CNGB1: variants seen among roughly 807,000 people sequenced by gnomAD.
The protein encoded by CNGB1 is cyclic nucleotide-gated channel beta-1.
CNGB1 carries 126 observed loss-of-function variants against 151.7 expected under a neutral mutation model. The observed-to-expected ratio is 0.83, with a 90% CI of 0.72 to 0.96. CNGB1 has a LOEUF of 0.96. Ranked by LOEUF, CNGB1 falls within the 40% of genes least tolerant of loss-of-function variation. CNGB1 has a pLI of 0.00. For missense variants in CNGB1, 1,698 were observed against 1,627.0 expected, an observed-to-expected ratio of 1.04 and a Z score of -0.75; for synonymous variants, 623 against 635.1, an observed-to-expected ratio of 0.98 and a Z score of 0.29.
Position 57,888,009 on chromosome 16 carries a change from G to A in CNGB1, c.3308C>T (p.Ala1103Val), listed in dbSNP as rs377240706. ...EKSVLILPPRAGTPKLFNAAL... is the reference protein window; with the variant it reads ...EKSVLILPPRVGTPKLFNAAL... ...AGCGTTGAAGAGCTTTGGGGTGCCCGCCCGGGGTGGAAGGATCAGCACGCT... is the reference window on the plus strand; with the variant it reads ...AGCGTTGAAGAGCTTTGGGGTGCCCACCCGGGGTGGAAGGATCAGCACGCT... The change falls in exon 32 of 33, where the codon GCG becomes GTG. Residue 1103 changes from alanine to valine, a missense_variant. Transcript: ENST00000251102. 92 of 1,614,048 alleles carry A rather than the reference G, an allele frequency of 5.7e-5. No homozygotes were observed. The highest frequency in any genetic ancestry group is 2.7e-4 in the African/African-American group (20 of 74,920).
At chr16:57,905,758 G>A in intron 25 of CNGB1, among the ~76,000 whole-genome samples, 1 of 152,224 alleles carries the variant, frequency 6.6e-6, no homozygotes, top group Non-Finnish European at 1.5e-5. Context: ...TTCCATACGA[G>A]GACAGCATTC....
At chr16:57,939,326 A>T in intron 16 of CNGB1, 104 bp downstream of exon 16, 1 of 1,517,664 alleles carries the variant, frequency 6.6e-7, no homozygotes, top group Non-Finnish European at 9.1e-7. Context: ...GGGGAAGGAG[A>T]TGGAGGGAGA....
At chr16:57,950,961 G>A (rs1285028282) in intron 12 of CNGB1, among the ~76,000 whole-genome samples, 1 of 152,198 alleles carries the variant, frequency 6.6e-6, no homozygotes, top group East Asian at 1.9e-4. Flanking sequence ...GGGGGATGCA[G>A]AGAGAGCTTG....
At position 57,962,642 on chromosome 16, in the gene CNGB1, A is replaced by G. The variant is rs1473107186; in HGVS notation, c.413-32T>C. On this transcript the variant is annotated intron_variant, in intron 6 of 32. Coordinates refer to ENST00000251102, the MANE Select transcript of CNGB1 (RefSeq NM_001297.5). ...GGTCAGAAAATACAGAAAGGCAGTCAGCAGCGGGAGACCTGCCCCAGCCCC... is the reference window on the plus strand; with the variant it reads ...GGTCAGAAAATACAGAAAGGCAGTCGGCAGCGGGAGACCTGCCCCAGCCCC... The G allele has an allele frequency of 3.1e-6, 5 of 1,611,862 alleles. No individual in the cohort carries two copies. In the Admixed American group the frequency reaches 6.7e-5, roughly 21 times the overall value.
At chr16:57,959,340 C>T (rs1290362343) in intron 10 of CNGB1, among the ~76,000 whole-genome samples, 5 of 151,850 alleles carry the variant, frequency 3.3e-5, no homozygotes, top group Non-Finnish European at 5.9e-5. Flanking sequence ...CAGGCCAGGC[C>T]GGGTGGCTCA....
intron 18 of CNGB1, among the ~76,000 whole-genome samples, chr16:57,922,709 A>G (rs8050968): frequency 0.13 from 20,079 of 151,996 alleles, 3,984 homozygotes; most frequent in African/African-American, 0.43. Flanking sequence ...GATTACAGGC[A>G]TGAGCCACCA....
At chr16:57,894,397 T>C (rs1487169749) in intron 31 of CNGB1, among the ~76,000 whole-genome samples, 6 of 152,204 alleles carry the variant, frequency 3.9e-5, no homozygotes, top group African/African-American at 1.4e-4. Flanking sequence ...GGTGAGAAGT[T>C]CGAGACAAGC....
intron 16 of CNGB1, among the ~76,000 whole-genome samples, chr16:57,932,681 T>A (rs1239084057): frequency 1.3e-5 from 2 of 151,556 alleles, no homozygotes; most frequent in African/African-American, 4.8e-5. Context: ...CCAGGGTTCA[T>A]GCCATTCTCC....
In CNGB1 at chr16:57,959,870, G is replaced by A; in HGVS notation, c.761+18C>T. 6.6e-7 allele frequency: 1 copy of A among 1,504,378 alleles called. No homozygotes were observed. The highest frequency in any genetic ancestry group is 8.9e-7 in the Non-Finnish European group (1 of 1,126,424). The allele number at this position is 1,504,378 out of a possible 1,614,324, so 93.2% of individuals were successfully genotyped here. On this transcript the variant is annotated intron_variant, in intron 10 of 32. Transcript: ENST00000251102. ...ATCCTGCTCCCTGGTGGGAGGCGCT[G>A]CATTGAGGGTGGCTCACCTGGCAGG...
chr16:57,934,464 A>C (rs1340025950), intron 16 of CNGB1, among the ~76,000 whole-genome samples: 1 of 152,132 alleles, frequency 6.6e-6, no homozygotes, highest in Non-Finnish European at 1.5e-5. Flanking sequence ...AATAAAATGG[A>C]AGTAATGTTC....
At chr16:57,909,396 T>G (rs1960645433) in intron 25 of CNGB1, among the ~76,000 whole-genome samples, 1 of 152,194 alleles carries the variant, frequency 6.6e-6, no homozygotes, top group African/African-American at 2.4e-5. Flanking sequence ...TAAAATAATT[T>G]TCTAAACTTT....
intron 16 of CNGB1, among the ~76,000 whole-genome samples, chr16:57,935,309 A>C (rs1381099087): frequency 6.6e-6 from 1 of 152,210 alleles, no homozygotes. Flanking sequence ...TTTGAATAGT[A>C]ATAAAGTTTT....
At chr16:57,949,695 G>A (rs1025398321) in intron 13 of CNGB1, among the ~76,000 whole-genome samples, 2 of 152,128 alleles carry the variant, frequency 1.3e-5, no homozygotes, top group African/African-American at 4.8e-5. Context: ...TCCTCTCTGG[G>A]CCTCAGTTTC....
At chr16:57,912,524 G>C (rs1960746285) in intron 24 of CNGB1, among the ~76,000 whole-genome samples, 1 of 152,130 alleles carries the variant, frequency 6.6e-6, no homozygotes, top group Non-Finnish European at 1.5e-5. Context: ...GGAGGTCAGT[G>C]GGGGTAGACA....
intron 2 of CNGB1, among the ~76,000 whole-genome samples, chr16:57,965,228 TAC>T (rs11467732): frequency 0.84 from 127,215 of 152,132 alleles, 53,890 homozygotes; most frequent in African/African-American, 0.94. Context: ...CATGCATATA[TAC>T]ACACACATGC....
intron 24 of CNGB1, 97 bp from the exon 25 acceptor site, chr16:57,911,972 C>A: frequency 6.5e-7 from 1 of 1,530,254 alleles, no homozygotes; most frequent in African/African-American, 1.4e-5. Context: ...TGGGCTGGCC[C>A]GACTGGATGC....
intron 23 of CNGB1, among the ~76,000 whole-genome samples, chr16:57,913,814 T>C (rs1320966891): frequency 1.3e-5 from 2 of 152,170 alleles, no homozygotes; most frequent in Admixed American, 6.6e-5. Flanking sequence ...CCTTATTCCT[T>C]ATTTACATAT....
chr16:57,909,373 TAA>T (rs1390053770), intron 25 of CNGB1, among the ~76,000 whole-genome samples: 22 of 140,246 alleles, frequency 1.6e-4, no homozygotes, highest in African/African-American at 7.3e-4. Context: ...TTAAATAAAT[TAA>T]GTCTGTTCAT....
chr16:57,957,445 C>T (rs1174991527), intron 11 of CNGB1, 68 bp from the exon 12 acceptor site: 10 of 1,391,352 alleles, frequency 7.2e-6, no homozygotes, highest in Admixed American at 1.7e-5. Context: ...GTTTCAGCCA[C>T]ACCTTCTAGC....
Sources: gnomAD v4.1 joint callset for allele counts (sites outside exome capture counted in the v4.1 genomes callset) on GRCh38, gnomAD v4.1.1 for gene constraint, MANE v1.5 for transcripts, NCBI Gene and HGNC (gene_info 2026-07-23, HGNC 2026-07-21) for gene names.